The following DDTL variants were observed in gnomAD, a reference collection of about 807,000 sequenced individuals.
The protein encoded by DDTL is D-dopachrome tautomerase like, also known as putative D-dopachrome decarboxylase-like protein.
Under a neutral mutation model 1.1 loss-of-function variants are expected in DDTL, and 1 was observed. That is an observed-to-expected ratio of 0.91 (90% confidence interval 0.32 to 4.31). The LOEUF (loss-of-function observed/expected upper bound fraction) is 4.31, where lower values mean the gene tolerates loss of function less well. Among genes scored for constraint, DDTL ranks in the 30% most tolerant of loss-of-function variants. The pLI, the probability that DDTL is intolerant of heterozygous loss-of-function variation, is 0.17. For missense variants in DDTL, 54 were observed against 48.9 expected (o/e 1.10, Z -0.31); for synonymous variants, 21 against 16.6 (o/e 1.26, Z -0.64).
chr22:23,969,909 G>A (rs2033867739), intron 2 of DDTL: 1 of 977,026 alleles, frequency 1.0e-6, no homozygotes, highest in Non-Finnish European at 1.2e-6. Context: ...CTGTGTAGGT[G>A]GCAGTAAGTC....
intron 2 of DDTL, chr22:23,969,838 C>G: frequency 1.0e-6 from 1 of 985,882 alleles, no homozygotes; most frequent in Non-Finnish European, 1.2e-6. Context: ...GTTTTGCTTT[C>G]AACAGACACT....
chr22:23,969,197 C>G (rs561192618), intron 2 of DDTL: 47 of 985,476 alleles, frequency 4.8e-5, no homozygotes, highest in Admixed American at 6.1e-5. Flanking sequence ...GACTAAGGCT[C>G]TTCATACTCC....
intron 2 of DDTL, chr22:23,969,219 C>T: frequency 2.0e-6 from 2 of 985,502 alleles, no homozygotes; most frequent in Non-Finnish European, 2.4e-6. Flanking sequence ...CCGCCCTCAG[C>T]CAGGCTGTCC....
Position 23,972,029 on chromosome 22 carries a change from G to C in DDTL, c.*623G>C, listed in dbSNP as rs983218148. The C allele has an allele frequency of 5.5e-6, 2 of 361,464 alleles. No individual in the cohort carries two copies. Among genetic ancestry groups the C allele is most frequent in the East Asian group, 1.6e-4 (1 of 6,266 alleles). 22.4% of individuals were successfully genotyped at this position (361,464 alleles called of 1,614,324 possible). A position where few individuals can be genotyped will look rare whatever the true frequency, so the allele number is the denominator to read the frequency against. On this transcript the variant is annotated 3_prime_UTR_variant, in exon 3 of 3. Coordinates refer to ENST00000215770, the MANE Select transcript of DDTL (RefSeq NM_001084393.2). ...CCACCCCACCAACCCCGCCACTAAT[G>C]TCTGGGCCATAAGTGAACATGCCCC...
Position 23,970,759 on chromosome 22 carries a change from CAGGAG to C in DDTL, c.285-524_285-520del, listed in dbSNP as rs200666533. On this transcript the variant is annotated intron_variant, in intron 2 of 2. Coordinates refer to ENST00000215770, the MANE Select transcript of DDTL (RefSeq NM_001084393.2). ...AAGTGTGCAGGTGGCACAGTTGCAACAGGAGAGAAGACACAGGAAGCCTTACCTGC... is the reference window on the plus strand; with the variant it reads ...AAGTGTGCAGGTGGCACAGTTGCAACAGAAGACACAGGAAGCCTTACCTGC... Among the ~76,000 whole-genome samples the C allele has an allele frequency of 3.1e-3, 470 of 152,230 alleles. 6 individuals are homozygous for C. Among genetic ancestry groups the C allele is most frequent in the East Asian group, 0.03 (156 of 5,178 alleles).
chr22:23,969,225 T>C, intron 2 of DDTL: 2 of 985,524 alleles, frequency 2.0e-6, no homozygotes, highest in Non-Finnish European at 2.4e-6. Context: ...TCAGCCAGGC[T>C]GTCCCAAGCT....
rs2033925965 is a variant in DDTL at position 23,972,479 on chromosome 22, A to C, written c.*1073A>C. ...AATCTCTGGGTTACTTATAATACCT[A>C]ATATAATGTACGTACTATGTAAATA... On this transcript the variant is annotated 3_prime_UTR_variant, in exon 3 of 3. Transcript: ENST00000215770. The C allele has an allele frequency of 6.5e-6, 1 of 153,442 alleles. No individual in the cohort carries two copies. Among genetic ancestry groups the C allele is most frequent in the African/African-American group, 2.5e-5 (1 of 40,752 alleles). 9.5% of individuals were successfully genotyped at this position (153,442 alleles called of 1,614,324 possible).
chr22:23,969,364 C>T (rs1236233920), intron 2 of DDTL: 1 of 985,228 alleles, frequency 1.0e-6, no homozygotes, highest in South Asian at 4.7e-5. Flanking sequence ...GGTACTGTGT[C>T]CTTAGGGAGT....
rs768705474 is a variant in DDTL, at chr22:23,971,321, A to AT, written c.321dup (p.Gly108TrpfsTer13). 1.5e-5 allele frequency: 25 copies of AT among 1,614,134 alleles called. No individual in the cohort carries two copies. In the African/African-American group the frequency reaches 3.2e-4, roughly 21 times the overall value. ...GTCTTATCCACCAGCCCTGCTGCCC[A>AT]TGGTGGCCCCAGATGCCCAGGAGAG... On this transcript the variant is annotated frameshift_variant, in exon 3 of 3. Coordinates refer to ENST00000215770, the MANE Select transcript of DDTL (RefSeq NM_001084393.2). LOFTEE classifies it low-confidence loss of function (END_TRUNC).
At position 23,971,465 on chromosome 22, in the gene DDTL, G is replaced by C; in HGVS notation, c.*59G>C. 6.2e-7 allele frequency: 1 copy of C among 1,606,882 alleles called. No homozygotes were observed. Among genetic ancestry groups the C allele is most frequent in the African/African-American group, 1.3e-5 (1 of 74,824 alleles). Reference sequence around the variant, plus strand: ...GTTGCATGCGGGATAATCCAAAGCTGGTTATCTCCAGGCCCTCACTCTGCC... The same window carrying C: ...GTTGCATGCGGGATAATCCAAAGCTCGTTATCTCCAGGCCCTCACTCTGCC... On this transcript the variant is annotated 3_prime_UTR_variant, in exon 3 of 3. Coordinates refer to ENST00000215770, the MANE Select transcript of DDTL (RefSeq NM_001084393.2).
Position 23,971,634 on chromosome 22 carries a change from CAGAG to C in DDTL, c.*230_*233del, listed in dbSNP as rs772236874. 3.7e-6 allele frequency: 6 copies of C among 1,601,784 alleles called. No individual in the cohort carries two copies. The South Asian group carries it at 6.6e-5, about 18-fold the overall frequency. On this transcript the variant is annotated 3_prime_UTR_variant, in exon 3 of 3. Transcript: ENST00000215770. ...AAGCGGATAAGTATCCTTCAGGAGA[CAGAG>C]AAAAAGATATCATCAGCTCCTTGGC...
chr22:23,969,514 C>T (rs892751574), intron 2 of DDTL: 1 of 985,572 alleles, frequency 1.0e-6, no homozygotes, highest in Non-Finnish European at 1.2e-6. Flanking sequence ...CATTCCACAC[C>T]TGAGTGTCCC....
At chr22:23,969,729 G>A (rs188297068) in intron 2 of DDTL, 82 of 981,822 alleles carry the variant, frequency 8.4e-5, no homozygotes, top group Non-Finnish European at 9.4e-5. Context: ...TGAGGCAGAA[G>A]GTTTGTTTAG....
intron 2 of DDTL, among the ~76,000 whole-genome samples, chr22:23,970,352 T>C (rs534558291): frequency 6.6e-6 from 1 of 152,240 alleles, no homozygotes; most frequent in East Asian, 1.9e-4. Flanking sequence ...ACGTGAATTT[T>C]AGTGAATTGT....
intron 2 of DDTL, chr22:23,969,513 C>T (rs2146207158): frequency 1.0e-6 from 1 of 985,916 alleles, no homozygotes; most frequent in South Asian, 4.7e-5. Context: ...CCATTCCACA[C>T]CTGAGTGTCC....
In DDTL at chr22:23,971,612, C is replaced by T. The variant is rs537065055; in HGVS notation, c.*206C>T. 29 of 1,614,040 alleles carry T rather than the reference C, an allele frequency of 1.8e-5. No individual in the cohort carries two copies. The highest frequency in any genetic ancestry group is 2.7e-5 in the African/African-American group (2 of 75,014). ...CTGCCAGGACTCCAAGGGGAAAAAGCGGATAAGTATCCTTCAGGAGACAGA... is the reference window on the plus strand; with the variant it reads ...CTGCCAGGACTCCAAGGGGAAAAAGTGGATAAGTATCCTTCAGGAGACAGA... On this transcript the variant is annotated 3_prime_UTR_variant, in exon 3 of 3. Transcript: ENST00000215770.
Position 23,971,624 on chromosome 22 carries a change from C to A in DDTL, c.*218C>A. ...CAAGGGGAAAAAGCGGATAAGTATC[C>A]TTCAGGAGACAGAGAAAAAGATATC... On this transcript the variant is annotated 3_prime_UTR_variant, in exon 3 of 3. Transcript: ENST00000215770. 4 of 1,613,338 alleles carry A rather than the reference C, an allele frequency of 2.5e-6. No homozygotes were observed. Among genetic ancestry groups the A allele is most frequent in the Non-Finnish European group, 3.4e-6 (4 of 1,179,486 alleles).
chr22:23,971,444 C>G lies in DDTL; in HGVS notation c.*38C>G. 8.1e-6 allele frequency: 13 copies of G among 1,608,212 alleles called. No homozygotes were observed. Among genetic ancestry groups the G allele is most frequent in the Non-Finnish European group, 1.0e-5 (12 of 1,176,290 alleles). On this transcript the variant is annotated 3_prime_UTR_variant, in exon 3 of 3. Coordinates refer to ENST00000215770, the MANE Select transcript of DDTL (RefSeq NM_001084393.2). ...GGATTATGTGATCACAGGAATGTTG[C>G]ATGCGGGATAATCCAAAGCTGGTTA...
intron 2 of DDTL, among the ~76,000 whole-genome samples, chr22:23,970,061 A>G (rs1013936489): frequency 6.6e-6 from 1 of 152,152 alleles, no homozygotes; most frequent in Non-Finnish European, 1.5e-5. Flanking sequence ...TGCTCTTGGC[A>G]GAGGGAAGGG....
Sources: gnomAD v4.1 joint callset for allele counts (sites outside exome capture counted in the v4.1 genomes callset) on GRCh38, gnomAD v4.1.1 for gene constraint, MANE v1.5 for transcripts, NCBI Gene and HGNC (gene_info 2026-07-23, HGNC 2026-07-21) for gene names.